The following LRP12 variants were observed in gnomAD, a reference collection of about 807,000 sequenced individuals.
The protein encoded by LRP12 is low-density lipoprotein receptor-related protein 12.
In LRP12, 14 loss-of-function variants were observed where a neutral mutation model predicts 66.0. The ratio of observed to expected loss-of-function variants is 0.21; its 90% CI spans 0.14 to 0.33. The LOEUF is 0.33. Among genes scored for constraint, LRP12 ranks in the 10% least tolerant of loss-of-function variants. The pLI is 1.00. For synonymous variants in LRP12, 357 were observed against 359.1 expected, an observed-to-expected ratio of 0.99 and a Z score of 0.07; for missense variants, 889 against 1,053.4, an observed-to-expected ratio of 0.84 and a Z score of 2.16.
rs558517655 is a variant in LRP12 at position 104,548,938 on chromosome 8, A to AAAAT, written c.80-16979_80-16976dup. On this transcript the variant is annotated intron_variant, in intron 1 of 6. Coordinates refer to ENST00000276654, the MANE Select transcript of LRP12 (RefSeq NM_013437.5). ...GGACAACAAGAGCAAAACTCCGTCA[A>AAAAT]AAATAAATAAATAAATAAATAAATA... Among the ~76,000 whole-genome samples, 863 of 151,396 alleles carry AAAAT rather than the reference A, an allele frequency of 5.7e-3. 13 individuals carry two copies. Among genetic ancestry groups the AAAAT allele is most frequent in the African/African-American group, 0.019 (765 of 41,012 alleles).
At chr8:104,518,336 T>C (rs994909396) in intron 2 of LRP12, among the ~76,000 whole-genome samples, 4 of 152,050 alleles carry the variant, frequency 2.6e-5, no homozygotes, top group African/African-American at 9.7e-5. Context: ...ACAGAGAAAT[T>C]TGGTAATTTT....
intron 1 of LRP12, among the ~76,000 whole-genome samples, chr8:104,533,569 C>A (rs1811356712): frequency 6.6e-6 from 1 of 152,070 alleles, no homozygotes; most frequent in South Asian, 2.1e-4. Context: ...GGGCTTAAAT[C>A]TTCTACTTCT....
chr8:104,575,413 C>G (rs1812150736), intron 1 of LRP12, among the ~76,000 whole-genome samples: 1 of 152,186 alleles, frequency 6.6e-6, no homozygotes, highest in Non-Finnish European at 1.5e-5. Context: ...GTCCCCCAAT[C>G]CAGCGCAGTG....
intron 1 of LRP12, among the ~76,000 whole-genome samples, chr8:104,573,319 C>G (rs963058889): frequency 6.6e-6 from 1 of 152,106 alleles, no homozygotes; most frequent in Non-Finnish European, 1.5e-5. Context: ...ACCGGATGTA[C>G]CCTACTGACA....
intron 1 of LRP12, among the ~76,000 whole-genome samples, chr8:104,575,610 G>GA (rs200974931): frequency 0.012 from 1,816 of 150,818 alleles, 35 homozygotes; most frequent in African/African-American, 0.041. Context: ...GGATAAAAGG[G>GA]AAAAAAAAAT....
chr8:104,563,256 A>G (rs1184604655), intron 1 of LRP12, among the ~76,000 whole-genome samples: 1 of 152,168 alleles, frequency 6.6e-6, no homozygotes, highest in Non-Finnish European at 1.5e-5. Flanking sequence ...AACAAATGAT[A>G]ACCAAATTAA....
chr8:104,497,162 CACA>C lies in LRP12; in HGVS notation c.1387_1389del (p.Cys463del), dbSNP rs1810742271. The C allele has an allele frequency of 6.2e-7, 1 of 1,610,828 alleles. No individual in the cohort carries two copies. The highest frequency in any genetic ancestry group is 8.5e-7 in the Non-Finnish European group (1 of 1,178,392). ...GAATCACACACCCAACTTTCAAACA[CACA>C]ACGATTGTTTTTACAATGGAAATTT... On this transcript the variant is annotated inframe_deletion, in exon 5 of 7. Coordinates refer to ENST00000276654, the MANE Select transcript of LRP12 (RefSeq NM_013437.5). The surrounding 1 kb of genome is among the most constrained non-coding windows in gnomAD (Gnocchi z 4.3).
At chr8:104,585,191 T>C (rs1315511150) in intron 1 of LRP12, among the ~76,000 whole-genome samples, 2 of 152,182 alleles carry the variant, frequency 1.3e-5, no homozygotes, top group Non-Finnish European at 2.9e-5. Flanking sequence ...TATTGTAAAA[T>C]GATATACAAA....
At chr8:104,501,916 T>C (rs1312322267) in intron 3 of LRP12, among the ~76,000 whole-genome samples, 1 of 152,228 alleles carries the variant, frequency 6.6e-6, no homozygotes, top group Non-Finnish European at 1.5e-5. Flanking sequence ...TCCAAAGATC[T>C]CAACGATGTT....
chr8:104,548,606 A>G (rs1811673990), intron 1 of LRP12, among the ~76,000 whole-genome samples: 1 of 111,286 alleles, frequency 9.0e-6, no homozygotes. Context: ...ATAGAATTAT[A>G]TAATTAAATT....
chr8:104,587,948 C>A (rs889414162), intron 1 of LRP12, among the ~76,000 whole-genome samples: 15 of 152,276 alleles, frequency 9.9e-5, no homozygotes, highest in African/African-American at 3.4e-4. Context: ...AGAAGTGTAA[C>A]TTAATTATCT....
In LRP12 at chr8:104,560,587, G is replaced by GT. The variant is rs757051560; in HGVS notation, c.79+28231dup. ...ATCTTGAGATCAATTTGTCTTTGCT[G>GT]TATTTTTCTTTTTGTGAAGTATGTT... On this transcript the variant is annotated intron_variant, in intron 1 of 6. Transcript: ENST00000276654. Among the ~76,000 whole-genome samples the GT allele has an allele frequency of 1.6e-4, 24 of 152,222 alleles. No individual in the cohort carries two copies. The South Asian group carries it at 1.7e-3, about 11-fold the overall frequency.
At chr8:104,565,003 T>C (rs1811976604) in intron 1 of LRP12, among the ~76,000 whole-genome samples, 1 of 151,898 alleles carries the variant, frequency 6.6e-6, no homozygotes, top group Non-Finnish European at 1.5e-5. Flanking sequence ...CTGAAGAATC[T>C]TTAAATTATA....
intron 2 of LRP12, among the ~76,000 whole-genome samples, chr8:104,510,903 A>G (rs1810983672): frequency 6.6e-6 from 1 of 152,078 alleles, no homozygotes; most frequent in Non-Finnish European, 1.5e-5. Context: ...GAATCAGTAT[A>G]GGCAAAATGA....
At chr8:104,494,674 G>A (rs988404246) in intron 6 of LRP12, among the ~76,000 whole-genome samples, 5 of 152,090 alleles carry the variant, frequency 3.3e-5, no homozygotes, top group Admixed American at 2.0e-4. Flanking sequence ...TTTTCCTGAG[G>A]TAGAAATGTT....
intron 6 of LRP12, 149 bp from the exon 7 acceptor site, chr8:104,491,688 C>T (rs1056401120): frequency 3.2e-6 from 2 of 616,394 alleles, no homozygotes; most frequent in African/African-American, 1.9e-5. Flanking sequence ...AAATTAAATT[C>T]TCTTACCTAT....
chr8:104,522,905 A>G (rs990709824), intron 2 of LRP12, among the ~76,000 whole-genome samples: 2 of 152,156 alleles, frequency 1.3e-5, no homozygotes, highest in South Asian at 2.1e-4. Context: ...TGGAAACATA[A>G]TAAGAAAAAA....
chr8:104,582,590 T>C (rs1400818689), intron 1 of LRP12, among the ~76,000 whole-genome samples: 1 of 152,176 alleles, frequency 6.6e-6, no homozygotes, highest in Admixed American at 6.5e-5. Flanking sequence ...ACTTAAAACA[T>C]TGTAAAAAGT....
At chr8:104,577,822 A>G (rs1277270885) in intron 1 of LRP12, among the ~76,000 whole-genome samples, 2 of 151,304 alleles carry the variant, frequency 1.3e-5, no homozygotes, top group East Asian at 1.9e-4. Context: ...AAAAAAAAAA[A>G]AAAAAGAAAA....
Sources: gnomAD v4.1 joint callset for allele counts (sites outside exome capture counted in the v4.1 genomes callset) on GRCh38, gnomAD v4.1.1 for gene constraint, Gnocchi (gnomAD v3.1) non-coding constraint, MANE v1.5 for transcripts, NCBI Gene and HGNC (gene_info 2026-07-23, HGNC 2026-07-21) for gene names.